The following DAB1 variants were observed in gnomAD, a reference collection of about 807,000 sequenced individuals.
The protein encoded by DAB1 is DAB adaptor protein 1.
In DAB1, 15 loss-of-function variants were observed where a neutral mutation model predicts 64.6. That is an observed-to-expected ratio of 0.23 (90% CI 0.16 to 0.36). The LOEUF (loss-of-function observed/expected upper bound fraction) is 0.36. Ranked by LOEUF, DAB1 falls within the 10% of genes least tolerant of loss-of-function variation. The pLI is 1.00. For missense variants in DAB1, 596 were observed against 706.7 expected (o/e 0.84, Z 1.78); for synonymous variants, 235 against 251.9 (o/e 0.93, Z 0.64).
chr1:58,483,999 C>G (rs955093732), intron 3 of DAB1, among the ~76,000 whole-genome samples: 15 of 152,128 alleles, frequency 9.9e-5, no homozygotes, highest in Non-Finnish European at 2.2e-4. Flanking sequence ...ATGAGAGATG[C>G]AAAGCAACAA....
chr1:58,480,728 T>C, intron 3 of DAB1: 1 of 339,480 alleles, frequency 2.9e-6, no homozygotes, highest in African/African-American at 2.1e-5. Flanking sequence ...GTAAAATGTG[T>C]AATATAAATT....
At chr1:58,476,455 C>T (rs534358263) in intron 3 of DAB1, among the ~76,000 whole-genome samples, 158 of 152,256 alleles carry the variant, frequency 1.0e-3, no homozygotes, top group African/African-American at 3.7e-3. Context: ...TGGTGTAAAA[C>T]CCCTTGCACG....
intron 2 of DAB1, among the ~76,000 whole-genome samples, chr1:57,282,576 A>G (rs1389015795): frequency 6.6e-6 from 1 of 152,184 alleles, no homozygotes; most frequent in Non-Finnish European, 1.5e-5. Context: ...TCTTCAGTGA[A>G]TGACCACATC....
intron 2 of DAB1, among the ~76,000 whole-genome samples, chr1:57,211,644 A>G (rs531797524): frequency 8.5e-5 from 13 of 152,346 alleles, no homozygotes; most frequent in African/African-American, 3.1e-4. Context: ...TGTCAAAACT[A>G]AGTTCCAAAG....
chr1:57,987,327 A>G (rs1484773126), intron 5 of DAB1, among the ~76,000 whole-genome samples: 2 of 152,070 alleles, frequency 1.3e-5, no homozygotes, highest in African/African-American at 2.4e-5. Context: ...TTGTGAGTCT[A>G]TTGTTATTTT....
chr1:58,468,978 G>A, intron 3 of DAB1: 1 of 244,210 alleles, frequency 4.1e-6, no homozygotes, highest in Non-Finnish European at 6.6e-6. Context: ...CCGCCTGGCT[G>A]ACCTTCTTTC....
At chr1:57,913,415 C>T (rs534877048) in intron 5 of DAB1, among the ~76,000 whole-genome samples, 100 of 152,338 alleles carry the variant, frequency 6.6e-4, no homozygotes, top group African/African-American at 2.2e-3. Context: ...AACTGGATCC[C>T]TTCCTTACAC....
At chr1:57,934,224 C>T (rs75033510) in intron 5 of DAB1, among the ~76,000 whole-genome samples, 23,704 of 152,018 alleles carry the variant, frequency 0.16, 2,331 homozygotes, top group East Asian at 0.44. Context: ...GCGCCCGGCC[C>T]TAGTCTTTTT....
At chr1:57,883,705 T>C (rs1644180152) in intron 1 of DAB1, among the ~76,000 whole-genome samples, 1 of 152,196 alleles carries the variant, frequency 6.6e-6, no homozygotes, top group South Asian at 2.1e-4. Context: ...TTCTAATCCA[T>C]TTAGTCTCCA....
chr1:58,512,825 T>C (rs553100090), intron 2 of DAB1, among the ~76,000 whole-genome samples: 5 of 152,334 alleles, frequency 3.3e-5, no homozygotes, highest in South Asian at 2.1e-4. Context: ...AGAGATCTGA[T>C]ATACAGCATG....
chr1:57,305,958 G>A (rs1350910949), intron 1 of DAB1, among the ~76,000 whole-genome samples: 1 of 132,710 alleles, frequency 7.5e-6, no homozygotes, highest in African/African-American at 3.1e-5. Context: ...GACAGAGCAA[G>A]ACTCCGTCTC....
At chr1:57,435,010 T>A (rs1290321228) in intron 7 of DAB1, among the ~76,000 whole-genome samples, 1 of 151,690 alleles carries the variant, frequency 6.6e-6, no homozygotes, top group Non-Finnish European at 1.5e-5. Context: ...TTAAATTCAT[T>A]TTTTAAGCTT....
intron 14 of DAB1, among the ~76,000 whole-genome samples, chr1:57,002,494 G>A (rs1016164040): frequency 6.6e-6 from 1 of 152,238 alleles, no homozygotes; most frequent in Admixed American, 6.5e-5. Flanking sequence ...TAATGTGGGG[G>A]TAATTCTGTG....
intron 1 of DAB1, chr1:58,541,614 CAAAAAAA>C (rs60360589): frequency 1.5e-5 from 1 of 65,634 alleles, no homozygotes; most frequent in African/African-American, 5.9e-5. Context: ...GAGAACCTGT[CAAAAAAA>C]AAAAAAAAAA....
intron 5 of DAB1, among the ~76,000 whole-genome samples, chr1:58,001,253 G>A (rs1194084448): frequency 1.3e-5 from 2 of 151,824 alleles, no homozygotes; most frequent in Non-Finnish European, 2.9e-5. Flanking sequence ...TCTAGTCAAA[G>A]GGCTCTTTTT....
At chr1:58,129,269 T>C (rs1018704198) in intron 5 of DAB1, among the ~76,000 whole-genome samples, 2 of 151,756 alleles carry the variant, frequency 1.3e-5, no homozygotes, top group Admixed American at 1.3e-4. Flanking sequence ...TATTCCCTGA[T>C]GGCAGTTTGT....
chr1:57,359,173 A>G (rs1253232629), intron 1 of DAB1, among the ~76,000 whole-genome samples: 1 of 152,098 alleles, frequency 6.6e-6, no homozygotes, highest in Non-Finnish European at 1.5e-5. Flanking sequence ...GAATGAGAGA[A>G]CATATTTACA....
Position 57,231,369 on chromosome 1 carries a change from G to C in DAB1, c.67+59595C>G, listed in dbSNP as rs145676182. On this transcript the variant is annotated intron_variant, in intron 2 of 14. Transcript: ENST00000371236. ...TAACTATACTGTATTGTTACTTACT[G>C]GTTTTTCATCTGCTACGTATCTACT... Among the ~76,000 whole-genome samples, 23 of 152,224 alleles carry C rather than the reference G, an allele frequency of 1.5e-4. No individual in the cohort carries two copies. The East Asian group carries it at 4.1e-3, about 27-fold the overall frequency.
chr1:57,170,554 T>C (rs1857741), intron 2 of DAB1, among the ~76,000 whole-genome samples: 41,495 of 152,018 alleles, frequency 0.27, 9,026 homozygotes, highest in African/African-American at 0.61. Context: ...ACCTGCTTTA[T>C]AAATAAAGAA....
Sources: gnomAD v4.1 joint callset for allele counts (sites outside exome capture counted in the v4.1 genomes callset) on GRCh38, gnomAD v4.1.1 for gene constraint, MANE v1.5 for transcripts, NCBI Gene and HGNC (gene_info 2026-07-23, HGNC 2026-07-21) for gene names.